The following PTPRT variants were observed in gnomAD, a reference collection of about 807,000 sequenced individuals.
PTPRT encodes receptor-type tyrosine-protein phosphatase T.
In PTPRT, 56 loss-of-function variants were observed where a neutral mutation model predicts 176.8. The observed-to-expected ratio is 0.32, with a 90% CI of 0.26 to 0.40. PTPRT has a LOEUF of 0.40. PTPRT is among the 10% of genes least tolerant of loss of function. The pLI is 1.00. For synonymous variants in PTPRT, 783 were observed against 739.0 expected (o/e 1.06, Z -0.96); for missense variants, 1,540 against 1,908.2 (o/e 0.81, Z 3.60).
At chr20:42,631,275 G>T (rs2074398685) in intron 7 of PTPRT, among the ~76,000 whole-genome samples, 1 of 152,038 alleles carries the variant, frequency 6.6e-6, no homozygotes, top group African/African-American at 2.4e-5. Context: ...CTATGAAAAA[G>T]CATTTTTTTC....
At chr20:42,190,267 C>A (rs1990945758) in intron 16 of PTPRT, among the ~76,000 whole-genome samples, 1 of 152,182 alleles carries the variant, frequency 6.6e-6, no homozygotes, top group Non-Finnish European at 1.5e-5. Context: ...TGTGACTCAT[C>A]ATTGCTTTTC....
In PTPRT at chr20:42,251,709, G is replaced by A. The variant is rs527930644; in HGVS notation, c.2177-2887C>T. Among the ~76,000 whole-genome samples, 284 of 128,896 alleles carry A rather than the reference G, an allele frequency of 2.2e-3. 1 individual carries two copies. The highest frequency in any genetic ancestry group is 6.7e-3 in the African/African-American group (233 of 34,532). The allele number at this position is 128,896 out of a possible 152,430, so 84.6% of individuals were successfully genotyped here. A position where few individuals can be genotyped will look rare whatever the true frequency, so the allele number is the denominator to read the frequency against. The stretch of plus-strand genomic sequence containing the variant: ...CCTTGCCTAATGGGGCAAGCACCCT[G>A]TTGTACTTAAAAAACAAAAAAAAGA... On this transcript the variant is annotated intron_variant, in intron 13 of 30. Coordinates refer to ENST00000373187, the MANE Select transcript of PTPRT (RefSeq NM_007050.6).
At chr20:42,541,862 G>C (rs1249133284) in intron 7 of PTPRT, among the ~76,000 whole-genome samples, 3 of 151,122 alleles carry the variant, frequency 2.0e-5, no homozygotes, top group Admixed American at 2.0e-4. Flanking sequence ...AAAAAAATCT[G>C]TGTGGCTAAA....
intron 9 of PTPRT, among the ~76,000 whole-genome samples, chr20:42,419,205 A>G (rs1409686797): frequency 4.6e-5 from 7 of 152,152 alleles, no homozygotes; most frequent in Admixed American, 4.6e-4. Flanking sequence ...TTCCAACTGT[A>G]CACATAGGTC....
chr20:42,574,881 G>A (rs1446237406), intron 7 of PTPRT, among the ~76,000 whole-genome samples: 1 of 152,030 alleles, frequency 6.6e-6, no homozygotes, highest in Non-Finnish European at 1.5e-5. Context: ...GCAGCTCCTC[G>A]TTTGTTCTCT....
chr20:43,059,604 A>G (rs1987373333), intron 1 of PTPRT, among the ~76,000 whole-genome samples: 1 of 152,148 alleles, frequency 6.6e-6, no homozygotes. Context: ...ACTCAGCATT[A>G]CTTAGGTATT....
intron 8 of PTPRT, among the ~76,000 whole-genome samples, chr20:42,471,913 C>T (rs946114967): frequency 6.6e-6 from 1 of 152,158 alleles, no homozygotes; most frequent in East Asian, 1.9e-4. Context: ...GCCTCAGCCT[C>T]CCAAAGTGCT....
intron 7 of PTPRT, among the ~76,000 whole-genome samples, chr20:42,504,682 C>T (rs1203717561): frequency 6.6e-6 from 1 of 151,870 alleles, no homozygotes; most frequent in Admixed American, 6.6e-5. Flanking sequence ...ATTTTGTTTT[C>T]TAATCAAATG....
At chr20:42,352,044 G>T (rs761085597) in intron 10 of PTPRT, 40 bp downstream of exon 10, 1 of 1,589,128 alleles carries the variant, frequency 6.3e-7, no homozygotes. Context: ...AAGTGGGGGT[G>T]AAACAACCTT....
intron 9 of PTPRT, among the ~76,000 whole-genome samples, chr20:42,434,840 A>G (rs962997008): frequency 6.6e-6 from 1 of 151,606 alleles, no homozygotes; most frequent in African/African-American, 2.4e-5. Context: ...TGGCATGTGC[A>G]TGTAATTCCA....
chr20:42,854,121 A>G (rs1176297001), intron 2 of PTPRT, among the ~76,000 whole-genome samples: 2 of 152,170 alleles, frequency 1.3e-5, no homozygotes, highest in Non-Finnish European at 1.5e-5. Context: ...GGATCTCCTT[A>G]TACCCAGAGT....
chr20:42,088,154 T>C (rs1359650035), intron 27 of PTPRT, among the ~76,000 whole-genome samples: 1 of 152,194 alleles, frequency 6.6e-6, no homozygotes, highest in African/African-American at 2.4e-5. Context: ...CACCCCAACA[T>C]GAACAAAGAA....
intron 7 of PTPRT, among the ~76,000 whole-genome samples, chr20:42,600,433 C>T (rs2073758374): frequency 1.3e-5 from 2 of 152,136 alleles, no homozygotes; most frequent in African/African-American, 4.8e-5. Flanking sequence ...AGCTACCACA[C>T]CTGGCTGGGA....
At chr20:42,392,697 C>T (rs564573915) in intron 9 of PTPRT, among the ~76,000 whole-genome samples, 92 of 152,218 alleles carry the variant, frequency 6.0e-4, no homozygotes, top group African/African-American at 2.1e-3. Flanking sequence ...GCCCTGAAAA[C>T]TCAGAGGGAG....
chr20:42,122,994 A>G (rs1987662271), intron 19 of PTPRT, among the ~76,000 whole-genome samples: 1 of 152,144 alleles, frequency 6.6e-6, no homozygotes, highest in Non-Finnish European at 1.5e-5. Flanking sequence ...AGGGCTTTGT[A>G]TATGCTCAGT....
rs565873369 is a variant in PTPRT, at chr20:42,726,665, C to T, written c.859+29797G>A. Among the ~76,000 whole-genome samples the T allele has an allele frequency of 1.1e-4, 17 of 152,184 alleles. No homozygotes were observed. The South Asian group carries it at 3.3e-3, about 30-fold the overall frequency. ...TGCAAAATGGGAACACTATCTGGTC[C>T]CCATGCTGAGAAGACACGAGCTGGT... On this transcript the variant is annotated intron_variant, in intron 6 of 30. Transcript: ENST00000373187.
intron 11 of PTPRT, among the ~76,000 whole-genome samples, chr20:42,350,388 C>A (rs1292323227): frequency 1.3e-5 from 2 of 151,914 alleles, no homozygotes; most frequent in African/African-American, 2.4e-5. Flanking sequence ...GCTACCACAT[C>A]CAGCTAATTT....
At chr20:42,802,300 A>T (rs957786189) in intron 2 of PTPRT, among the ~76,000 whole-genome samples, 6 of 152,196 alleles carry the variant, frequency 3.9e-5, no homozygotes, top group Admixed American at 2.0e-4. Context: ...AAATGGTGCT[A>T]CCACAGGGGT....
chr20:42,854,284 TAGAGAC>T (rs1471249892), intron 2 of PTPRT, among the ~76,000 whole-genome samples: 3 of 152,126 alleles, frequency 2.0e-5, no homozygotes, highest in African/African-American at 4.8e-5. Flanking sequence ...GTACTGAAAA[TAGAGAC>T]AGGAATAAGG....
Sources: gnomAD v4.1 joint callset for allele counts (sites outside exome capture counted in the v4.1 genomes callset) on GRCh38, gnomAD v4.1.1 for gene constraint, MANE v1.5 for transcripts, NCBI Gene and HGNC (gene_info 2026-07-23, HGNC 2026-07-21) for gene names.